Variants in PTPRT observed in about 807,000 individuals in gnomAD.
The protein encoded by PTPRT is receptor-type tyrosine-protein phosphatase T.
A neutral mutation model predicts 176.8 loss-of-function variants in PTPRT; 56 were observed. That is an observed-to-expected ratio of 0.32 (90% CI 0.26 to 0.40). The LOEUF (loss-of-function observed/expected upper bound fraction) is 0.40, where lower values mean the gene tolerates loss of function less well. Among genes scored for constraint, PTPRT ranks in the 10% least tolerant of loss-of-function variants. The probability of loss-of-function intolerance (pLI) is 1.00; values close to 1 mark genes in which losing one functional copy is unlikely to be tolerated. For synonymous variants in PTPRT, 783 were observed against 739.0 expected, an observed-to-expected ratio of 1.06 and a Z score of -0.96; for missense variants, 1,540 against 1,908.2, an observed-to-expected ratio of 0.81 and a Z score of 3.60.
intron 15 of PTPRT, among the ~76,000 whole-genome samples, chr20:42,206,398 ACAGTGGGCGCAGGT>A (rs1162351103): frequency 3.3e-5 from 5 of 152,218 alleles, no homozygotes; most frequent in African/African-American, 1.2e-4. Context: ...GGAGTGCCAG[ACAGTGGGCGCAGGT>A]CAGTGGGTGC....
rs567553734 is a variant in PTPRT at position 42,915,896 on chromosome 20, C to T, written c.89-29964G>A. On this transcript the variant is annotated intron_variant, in intron 1 of 30. Transcript: ENST00000373187. The stretch of plus-strand genomic sequence containing the variant: ...GATTACAGGCGTGAGTCACCATGCC[C>T]GGCCCGCTATTGTTTTTAAATGCCA... Among the ~76,000 whole-genome samples the T allele has an allele frequency of 8.6e-4, 130 of 151,934 alleles. 1 individual carries two copies. The highest frequency in any genetic ancestry group is 2.8e-3 in the African/African-American group (118 of 41,448).
At chr20:42,716,834 C>T (rs1350545541) in intron 6 of PTPRT, among the ~76,000 whole-genome samples, 3 of 152,126 alleles carry the variant, frequency 2.0e-5, no homozygotes, top group East Asian at 1.9e-4. Flanking sequence ...AGCACATATA[C>T]ACCATGGAAT....
intron 27 of PTPRT, among the ~76,000 whole-genome samples, chr20:42,094,622 GC>G (rs879545046): frequency 3.0e-4 from 46 of 152,244 alleles, no homozygotes; most frequent in Admixed American, 8.5e-4. Context: ...GGGTGCAGTG[GC>G]TCATGCCTAT....
At chr20:42,585,713 A>G (rs910758282) in intron 7 of PTPRT, among the ~76,000 whole-genome samples, 3 of 152,150 alleles carry the variant, frequency 2.0e-5, no homozygotes, top group African/African-American at 7.2e-5. Flanking sequence ...CTCCTGTACA[A>G]GATTTTATAT....
rs76773365 is a variant in PTPRT, at chr20:42,248,875, T to C, written c.2177-53A>G. 14,471 of 1,593,888 alleles carry C rather than the reference T, an allele frequency of 9.1e-3. 981 individuals carry two copies. In the African/African-American group the frequency reaches 0.16, roughly 17 times the overall value. On this transcript the variant is annotated intron_variant, in intron 13 of 30. Coordinates refer to ENST00000373187, the MANE Select transcript of PTPRT (RefSeq NM_007050.6). ...TGTTGAAAGCACCCAAACATGCGAC[T>C]AGACAATCATCATAATGACAACAGC... is the stretch of plus-strand genomic sequence containing the variant.
chr20:42,793,286 G>A (rs1249425814), intron 2 of PTPRT, among the ~76,000 whole-genome samples: 4 of 151,986 alleles, frequency 2.6e-5, no homozygotes, highest in African/African-American at 9.7e-5. Context: ...GCAACCAAAT[G>A]ATGTATATTG....
chr20:42,150,593 C>T (rs867672250), intron 17 of PTPRT, among the ~76,000 whole-genome samples: 1 of 152,210 alleles, frequency 6.6e-6, no homozygotes, highest in East Asian at 1.9e-4. Flanking sequence ...TCAAGAAATA[C>T]ACTTGCACAC....
At chr20:43,065,512 C>A (rs1023738369) in intron 1 of PTPRT, among the ~76,000 whole-genome samples, 11 of 152,170 alleles carry the variant, frequency 7.2e-5, no homozygotes, top group Non-Finnish European at 1.5e-5. Flanking sequence ...CTGTATGTGA[C>A]CCAGTGGGGG....
At chr20:42,875,465 G>A (rs371795232) in intron 2 of PTPRT, among the ~76,000 whole-genome samples, 4 of 152,158 alleles carry the variant, frequency 2.6e-5, no homozygotes, top group Admixed American at 2.0e-4. Context: ...CCAAGTACAC[G>A]AAAAACCATC....
At chr20:42,489,043 TG>T (rs2071514250) in intron 7 of PTPRT, among the ~76,000 whole-genome samples, 2 of 137,812 alleles carry the variant, frequency 1.5e-5, no homozygotes, top group Non-Finnish European at 3.0e-5. Context: ...TGTGTGTGTG[TG>T]TGTGTGTGTG....
chr20:42,053,532 C>T, the PTPRT span, among the ~76,000 whole-genome samples: 3 of 152,186 alleles, frequency 2.0e-5, no homozygotes, highest in African/African-American at 4.8e-5. Flanking sequence ...TTTAAATTGC[C>T]TGTTATTTAG....
At chr20:42,366,719 G>A (rs2058519517) in intron 9 of PTPRT, among the ~76,000 whole-genome samples, 2 of 152,232 alleles carry the variant, frequency 1.3e-5, no homozygotes, top group South Asian at 4.1e-4. Flanking sequence ...AGTCATAGAA[G>A]ACTGCCTTTT....
intron 11 of PTPRT, among the ~76,000 whole-genome samples, chr20:42,345,407 CTAGTT>C: frequency 7.0e-6 from 1 of 143,140 alleles, no homozygotes; most frequent in African/African-American, 2.6e-5. Context: ...ATATATAAAA[CTAGTT>C]ACTATAGATA....
At chr20:42,701,656 A>T (rs576266059) in intron 6 of PTPRT, among the ~76,000 whole-genome samples, 1 of 152,216 alleles carries the variant, frequency 6.6e-6, no homozygotes, top group African/African-American at 2.4e-5. Context: ...GTGTGCACAA[A>T]TTCCAAGGCA....
chr20:43,148,006 C>CCT (rs1205506302), intron 1 of PTPRT, among the ~76,000 whole-genome samples: 1 of 152,120 alleles, frequency 6.6e-6, no homozygotes, highest in African/African-American at 2.4e-5. Context: ...CTACCCAAGA[C>CCT]CTCTTCAAGC....
chr20:42,868,579 T>C (rs998466161), intron 2 of PTPRT, among the ~76,000 whole-genome samples: 16 of 152,182 alleles, frequency 1.1e-4, no homozygotes, highest in African/African-American at 2.4e-4. Context: ...TTAAAGATTT[T>C]GAAAATTCCC....
At chr20:42,411,021 T>C (rs2059010347) in intron 9 of PTPRT, among the ~76,000 whole-genome samples, 1 of 151,686 alleles carries the variant, frequency 6.6e-6, no homozygotes, top group Admixed American at 6.6e-5. Context: ...ATTAAGAAAC[T>C]AGAAAAAGAA....
intron 7 of PTPRT, among the ~76,000 whole-genome samples, chr20:42,486,354 A>G (rs575884820): frequency 5.2e-4 from 79 of 152,318 alleles, no homozygotes; most frequent in African/African-American, 1.8e-3. Context: ...CTTAAATGTC[A>G]TCAGTCTCGA....
chr20:42,454,945 C>T (rs144120911), intron 8 of PTPRT, among the ~76,000 whole-genome samples: 14 of 152,228 alleles, frequency 9.2e-5, no homozygotes, highest in Middle Eastern at 3.4e-3. Context: ...GTTAATGCCC[C>T]GAAGACATCC....
Sources: allele counts gnomAD v4.1 joint callset (sites outside exome capture counted in the v4.1 genomes callset), GRCh38; gene constraint gnomAD v4.1.1; transcripts MANE v1.5; gene names NCBI Gene and HGNC (gene_info 2026-07-23, HGNC 2026-07-21).